LNPEP: variants seen among roughly 807,000 people sequenced by gnomAD.
LNPEP encodes leucyl and cystinyl aminopeptidase, also known as leucyl-cystinyl aminopeptidase.
LNPEP carries 64 observed loss-of-function variants against 120.6 expected under a neutral mutation model. The observed-to-expected ratio is 0.53, with a 90% CI of 0.43 to 0.65. The LOEUF (loss-of-function observed/expected upper bound fraction) is 0.65, where lower values mean the gene tolerates loss of function less well. LNPEP is among the 30% of genes least tolerant of loss of function. The pLI is 0.00. For missense variants in LNPEP, 1,057 were observed against 1,200.0 expected (o/e 0.88, Z 1.76); for synonymous variants, 435 against 425.4 (o/e 1.02, Z -0.28).
chr5:96,944,347 G>A (rs2112559582), intron 1 of LNPEP, among the ~76,000 whole-genome samples: 1 of 152,180 alleles, frequency 6.6e-6, no homozygotes, highest in Middle Eastern at 3.4e-3. Context: ...CCAAAGCACA[G>A]TCTCAAGAAG....
At chr5:96,952,950 A>G (rs574091609) in intron 1 of LNPEP, among the ~76,000 whole-genome samples, 5 of 152,292 alleles carry the variant, frequency 3.3e-5, no homozygotes, top group Admixed American at 2.0e-4. Context: ...CCCAGATGAT[A>G]CAAAACCCTT....
chr5:96,961,855 C>T (rs777498505), intron 1 of LNPEP, among the ~76,000 whole-genome samples: 2 of 151,816 alleles, frequency 1.3e-5, no homozygotes, highest in South Asian at 2.1e-4. Context: ...GATCTGGAAC[C>T]TGTAGATACA....
At chr5:97,012,006 G>C (rs1033379243) in intron 11 of LNPEP, among the ~76,000 whole-genome samples, 4 of 152,026 alleles carry the variant, frequency 2.6e-5, no homozygotes, top group African/African-American at 9.7e-5. Flanking sequence ...CTAAGCTAAG[G>C]CTTCAGGTAC....
intron 4 of LNPEP, among the ~76,000 whole-genome samples, chr5:96,992,645 T>C (rs574982982): frequency 7.2e-5 from 11 of 152,064 alleles, no homozygotes; most frequent in Non-Finnish European, 1.3e-4. Context: ...TTTTACCTCA[T>C]AAGTAAGGAA....
At chr5:96,973,320 C>CT (rs1789913699) in intron 1 of LNPEP, among the ~76,000 whole-genome samples, 1 of 151,678 alleles carries the variant, frequency 6.6e-6, no homozygotes, top group African/African-American at 2.4e-5. Flanking sequence ...GTTTTTCTTT[C>CT]TTTTTAAGCT....
At chr5:96,963,946 GT>G (rs1260548399) in intron 1 of LNPEP, among the ~76,000 whole-genome samples, 2 of 151,842 alleles carry the variant, frequency 1.3e-5, no homozygotes, top group East Asian at 1.9e-4. Flanking sequence ...ATATTTTACT[GT>G]TAAACACAGT....
intron 7 of LNPEP, among the ~76,000 whole-genome samples, chr5:96,996,957 A>G (rs539713881): frequency 6.6e-6 from 1 of 152,224 alleles, no homozygotes; most frequent in Admixed American, 6.5e-5. Flanking sequence ...TTCTTGTGAT[A>G]GTGATATATA....
At chr5:97,009,393 A>C (rs1790871609) in intron 11 of LNPEP, among the ~76,000 whole-genome samples, 1 of 152,174 alleles carries the variant, frequency 6.6e-6, no homozygotes, top group Non-Finnish European at 1.5e-5. Flanking sequence ...GATCATGGCT[A>C]TATGAATCAC....
intron 1 of LNPEP, among the ~76,000 whole-genome samples, chr5:96,944,361 T>C (rs958266277): frequency 1.3e-5 from 2 of 152,084 alleles, no homozygotes; most frequent in African/African-American, 4.8e-5. Context: ...CAAGAAGTCC[T>C]GAGAACATGT....
rs1372523352 is a variant in LNPEP at position 97,017,574 on chromosome 5, A to C, written c.2376+2479A>C. ...TCCTTTACATTTAGATCTGTGATCC[A>C]TCTGGAATTGATTTTTGTGGATGGT... On this transcript the variant is annotated intron_variant, in intron 13 of 17. Coordinates refer to ENST00000231368, the MANE Select transcript of LNPEP (RefSeq NM_005575.3). 3.3e-5 allele frequency among the ~76,000 whole-genome samples: 5 copies of C among 152,162 alleles called. No homozygotes were observed. The South Asian group carries it at 8.3e-4, about 25-fold the overall frequency.
In LNPEP at chr5:96,992,944, A is replaced by G. The variant is rs1790426385; in HGVS notation, c.1132-71A>G. On this transcript the variant is annotated intron_variant, in intron 4 of 17. Coordinates refer to ENST00000231368, the MANE Select transcript of LNPEP (RefSeq NM_005575.3). Reference sequence around the variant, plus strand: ...AGAATTTTCAGATATGCTAGTCTTGACAGTGCTACTTGAGTATCATGCCAT... The same window carrying G: ...AGAATTTTCAGATATGCTAGTCTTGGCAGTGCTACTTGAGTATCATGCCAT... The G allele has an allele frequency of 6.2e-6, 7 of 1,120,568 alleles. No individual in the cohort carries two copies. In the Admixed American group the frequency reaches 1.5e-4, roughly 24 times the overall value. The allele number at this position is 1,120,568 out of a possible 1,614,324, so 69.4% of individuals were successfully genotyped here.
chr5:97,018,784 G>A (rs535757805), intron 13 of LNPEP, among the ~76,000 whole-genome samples: 1 of 152,242 alleles, frequency 6.6e-6, no homozygotes, highest in African/African-American at 2.4e-5. Context: ...AAAGCATTAT[G>A]TACATTTATT....
intron 8 of LNPEP, among the ~76,000 whole-genome samples, chr5:97,001,674 A>T (rs1790654070): frequency 6.6e-6 from 1 of 152,206 alleles, no homozygotes; most frequent in Non-Finnish European, 1.5e-5. Flanking sequence ...AGGATTCAGT[A>T]GACGAGACCG....
chr5:97,001,504 G>A (rs1173903404), intron 8 of LNPEP, among the ~76,000 whole-genome samples: 1 of 152,132 alleles, frequency 6.6e-6, no homozygotes, highest in Non-Finnish European at 1.5e-5. Flanking sequence ...GTTGGATATG[G>A]GTCTGAAATT....
chr5:97,024,058 G>A (rs556786043), intron 14 of LNPEP, among the ~76,000 whole-genome samples: 1 of 152,256 alleles, frequency 6.6e-6, no homozygotes, highest in South Asian at 2.1e-4. Flanking sequence ...GAGTTGGGGT[G>A]GAGGATTTGG....
chr5:96,955,488 G>A (rs941294822), intron 1 of LNPEP, among the ~76,000 whole-genome samples: 3 of 152,140 alleles, frequency 2.0e-5, no homozygotes, highest in Admixed American at 6.5e-5. Context: ...GGTGATGCAC[G>A]CCTGTAGTCC....
chr5:96,985,558 T>C (rs1790221151), intron 3 of LNPEP, among the ~76,000 whole-genome samples: 1 of 152,168 alleles, frequency 6.6e-6, no homozygotes, highest in Non-Finnish European at 1.5e-5. Context: ...TATTCTAAAC[T>C]GTTATTTGAG....
At position 96,987,432 on chromosome 5, in the gene LNPEP, A is replaced by G. The variant is rs542120541; in HGVS notation, c.1131+762A>G. On this transcript the variant is annotated intron_variant, in intron 4 of 17. Transcript: ENST00000231368. ...AGAATGTCTTAGTTTCTGTTTTCGTATTTTTGAGCTCTACCAGGGAATATA... is the reference window on the plus strand; with the variant it reads ...AGAATGTCTTAGTTTCTGTTTTCGTGTTTTTGAGCTCTACCAGGGAATATA... 2.6e-5 allele frequency among the ~76,000 whole-genome samples: 4 copies of G among 152,228 alleles called. No homozygotes were observed. The South Asian group carries it at 8.3e-4, about 32-fold the overall frequency.
At chr5:96,994,121 T>C in intron 6 of LNPEP, 150 bp downstream of exon 6, 1 of 666,554 alleles carries the variant, frequency 1.5e-6, no homozygotes, top group Admixed American at 3.2e-5. Context: ...ACAAACTTCA[T>C]TTTCAAATGA....
Sources: allele counts gnomAD v4.1 joint callset (sites outside exome capture counted in the v4.1 genomes callset), GRCh38; gene constraint gnomAD v4.1.1; transcripts MANE v1.5; gene names NCBI Gene and HGNC (gene_info 2026-07-23, HGNC 2026-07-21).